Variants in THRAP3 observed in about 807,000 individuals in gnomAD.
THRAP3 encodes thyroid hormone receptor-associated protein 3.
In THRAP3, 16 loss-of-function variants were observed where a neutral mutation model predicts 101.0. The ratio of observed to expected loss-of-function variants is 0.16; its 90% CI spans 0.11 to 0.24. The LOEUF (loss-of-function observed/expected upper bound fraction) is 0.24, where lower values mean the gene tolerates loss of function less well. Ranked by LOEUF, THRAP3 falls within the 10% of genes least tolerant of loss-of-function variation. The pLI is 1.00. For synonymous variants in THRAP3, 407 were observed against 422.6 expected, an observed-to-expected ratio of 0.96 and a Z score of 0.45; for missense variants, 989 against 1,202.7, an observed-to-expected ratio of 0.82 and a Z score of 2.63.
At chr1:36,208,832 A>C in the THRAP3 span, among the ~76,000 whole-genome samples, 1 of 151,664 alleles carries the variant, frequency 6.6e-6, no homozygotes, top group Non-Finnish European at 1.5e-5. Flanking sequence ...ATGCCCAGCT[A>C]ATTTTTGTAC....
At chr1:36,234,342 G>T (rs1241049756) in intron 1 of THRAP3, among the ~76,000 whole-genome samples, 1 of 152,166 alleles carries the variant, frequency 6.6e-6, no homozygotes, top group Non-Finnish European at 1.5e-5. Context: ...GCCCTGGTGG[G>T]GCAGGGAGGT....
At chr1:36,244,891 T>A (rs1430892241) in intron 1 of THRAP3, among the ~76,000 whole-genome samples, 1 of 151,770 alleles carries the variant, frequency 6.6e-6, no homozygotes, top group Non-Finnish European at 1.5e-5. Flanking sequence ...CTAATTTTGT[T>A]TTGTATTTTT....
intron 1 of THRAP3, among the ~76,000 whole-genome samples, 172 bp downstream of exon 1, chr1:36,224,677 C>G (rs1233588759): frequency 6.6e-6 from 1 of 152,186 alleles, no homozygotes; most frequent in African/African-American, 2.4e-5. Flanking sequence ...CCCTCCGGCT[C>G]CTCCCCTTCC....
chr1:36,256,528 C>T (rs1233526049), intron 1 of THRAP3, among the ~76,000 whole-genome samples: 1 of 151,952 alleles, frequency 6.6e-6, no homozygotes, highest in Non-Finnish European at 1.5e-5. Flanking sequence ...CCCGACCCTG[C>T]CTGGATTATT....
intron 11 of THRAP3, 112 bp downstream of exon 11, chr1:36,301,808 T>G (rs1646034069): frequency 3.8e-6 from 5 of 1,300,868 alleles, no homozygotes; most frequent in Non-Finnish European, 5.3e-6. Context: ...ACGTGCAGGA[T>G]TATTGCACTG....
chr1:36,297,660 G>A (rs912237174), intron 9 of THRAP3, among the ~76,000 whole-genome samples: 14 of 151,426 alleles, frequency 9.2e-5, no homozygotes, highest in African/African-American at 3.4e-4. Flanking sequence ...GGCCAGTCTG[G>A]TCTTGAACTC....
rs533765239 is a variant in THRAP3 at position 36,288,404 on chromosome 1, AAGT to A, written c.1041-655_1041-653del. The A allele has an allele frequency of 4.1e-6, 4 of 985,364 alleles. No individual in the cohort carries two copies. In the South Asian group the frequency reaches 1.4e-4, roughly 35 times the overall value. 61.0% of individuals were successfully genotyped at this position (985,364 alleles called of 1,614,324 possible). On this transcript the variant is annotated intron_variant, in intron 4 of 11. Transcript: ENST00000354618. The stretch of plus-strand genomic sequence containing the variant: ...CCCAAGTAAGTCTATTTTAAAACAT[AAGT>A]TTTGTTCCATGCCAGGACTGTGAAT...
intron 2 of THRAP3, among the ~76,000 whole-genome samples, chr1:36,278,833 G>T (rs1410126463): frequency 6.6e-6 from 1 of 151,858 alleles, no homozygotes; most frequent in Admixed American, 6.6e-5. Flanking sequence ...TGAGGCAGGA[G>T]AATCACTTGA....
chr1:36,214,484 A>G, the THRAP3 span, among the ~76,000 whole-genome samples: 1 of 152,156 alleles, frequency 6.6e-6, no homozygotes, highest in Non-Finnish European at 1.5e-5. Flanking sequence ...ATACTGTGAT[A>G]TAACTTCCTC....
At chr1:36,244,675 G>A (rs1046193999) in intron 1 of THRAP3, among the ~76,000 whole-genome samples, 29 of 151,592 alleles carry the variant, frequency 1.9e-4, no homozygotes, top group African/African-American at 6.3e-4. Flanking sequence ...GATGCCTAGT[G>A]AGGAAAGCTC....
intron 1 of THRAP3, among the ~76,000 whole-genome samples, chr1:36,232,713 A>G (rs1484799714): frequency 6.6e-6 from 1 of 152,192 alleles, no homozygotes; most frequent in African/African-American, 2.4e-5. Context: ...GTCAAGTCCT[A>G]GTTCACTCAG....
At position 36,296,699 on chromosome 1, in the gene THRAP3, A is replaced by G. The variant is rs1158588137; in HGVS notation, c.2232A>G (p.Arg744=). The change falls in exon 9 of 12, where the codon CGA becomes CGG. Residue 744 remains arginine, a synonymous_variant. Coordinates refer to ENST00000354618, the MANE Select transcript of THRAP3 (RefSeq NM_005119.4). ...RGKSRESVDS[R]DSSHSRERSA... ...AATCGAGAGAATCAGTGGATTCCCG[A>G]GACTCCAGTCACTCAAGGGAAAGGT... 5.6e-6 allele frequency: 9 copies of G among 1,610,736 alleles called. No homozygotes were observed. Among genetic ancestry groups the G allele is most frequent in the Non-Finnish European group, 7.6e-6 (9 of 1,179,266 alleles).
At chr1:36,241,155 C>T (rs1370199656) in intron 1 of THRAP3, among the ~76,000 whole-genome samples, 1 of 138,170 alleles carries the variant, frequency 7.2e-6, no homozygotes, top group Non-Finnish European at 1.5e-5. Flanking sequence ...TGCAGTGAGC[C>T]GAGATCGGGC....
chr1:36,284,177 A>C (rs1222164046), intron 3 of THRAP3, among the ~76,000 whole-genome samples: 1 of 152,144 alleles, frequency 6.6e-6, no homozygotes, highest in African/African-American at 2.4e-5. Flanking sequence ...ATGTTAACCA[A>C]CTCTGAAGTA....
intron 1 of THRAP3, among the ~76,000 whole-genome samples, chr1:36,238,035 G>A (rs376673162): frequency 6.6e-6 from 1 of 151,948 alleles, no homozygotes; most frequent in African/African-American, 2.4e-5. Context: ...GGGTTTCACC[G>A]TGTTAGCCAG....
chr1:36,231,556 C>T (rs918836463), intron 1 of THRAP3, among the ~76,000 whole-genome samples: 2 of 152,178 alleles, frequency 1.3e-5, no homozygotes, highest in Non-Finnish European at 2.9e-5. Context: ...AAATAATATA[C>T]TGCTGTGAAG....
chr1:36,289,653 G>A lies in THRAP3; in HGVS notation c.1634G>A (p.Arg545Gln), dbSNP rs745845910. ...SPPPRKTSES[R>Q]DKLGAKGDFP... Reference sequence around the variant, plus strand: ...CCCCCAAGAAAGACCTCTGAGAGCCGAGACAAGCTGGGAGCGAAAGGAGAT... The same window carrying A: ...CCCCCAAGAAAGACCTCTGAGAGCCAAGACAAGCTGGGAGCGAAAGGAGAT... The change falls in exon 5 of 12, where the codon CGA becomes CAA. Residue 545 changes from arginine to glutamine, a missense_variant. Arg to Gln is a conservative substitution (Grantham distance 43, BLOSUM62 1). Transcript: ENST00000354618. 1.3e-5 allele frequency: 21 copies of A among 1,614,090 alleles called. No individual in the cohort carries two copies. Among genetic ancestry groups the A allele is most frequent in the Non-Finnish European group, 1.6e-5 (19 of 1,180,052 alleles).
At chr1:36,250,662 A>C (rs190851777) in intron 1 of THRAP3, among the ~76,000 whole-genome samples, 1 of 151,594 alleles carries the variant, frequency 6.6e-6, no homozygotes, top group African/African-American at 2.4e-5. Context: ...CTGTAATCCC[A>C]GCACTTTGGG....
Position 36,287,380 on chromosome 1 carries a change from A to G in THRAP3, c.1040+110A>G, listed in dbSNP as rs536889992. 358 of 1,406,634 alleles carry G rather than the reference A, an allele frequency of 2.5e-4. 2 individuals are homozygous for G. Among genetic ancestry groups the G allele is most frequent in the South Asian group, 2.3e-3 (143 of 63,522 alleles). The allele number at this position is 1,406,634 out of a possible 1,614,324, so 87.1% of individuals were successfully genotyped here. A position where few individuals can be genotyped will look rare whatever the true frequency, so the allele number is the denominator to read the frequency against. ...TGATTAATGGTAAAAGGTAATCCCT[A>G]TTTCCTAGACTTTTCGTTAGTAAAC... On this transcript the variant is annotated intron_variant, in intron 4 of 11. Coordinates refer to ENST00000354618, the MANE Select transcript of THRAP3 (RefSeq NM_005119.4).
Sources: allele counts gnomAD v4.1 joint callset (sites outside exome capture counted in the v4.1 genomes callset), GRCh38; gene constraint gnomAD v4.1.1; transcripts MANE v1.5; gene names NCBI Gene and HGNC (gene_info 2026-07-23, HGNC 2026-07-21).